The following ASXL1 variants were observed in gnomAD, a reference collection of about 807,000 sequenced individuals.
ASXL1 encodes polycomb group protein ASXL1.
ASXL1 carries 65 observed loss-of-function variants against 89.1 expected under a neutral mutation model. The observed-to-expected ratio is 0.73, with a 90% CI of 0.60 to 0.90. The LOEUF is 0.90. Among genes scored for constraint, ASXL1 ranks in the 40% least tolerant of loss-of-function variants. ASXL1 has a pLI of 0.00. For synonymous variants in ASXL1, 739 were observed against 746.9 expected, an observed-to-expected ratio of 0.99 and a Z score of 0.17; for missense variants, 1,786 against 1,942.9, an observed-to-expected ratio of 0.92 and a Z score of 1.52.
intron 4 of ASXL1, among the ~76,000 whole-genome samples, chr20:32,404,848 G>A (rs1388958052): frequency 6.6e-6 from 1 of 152,070 alleles, no homozygotes; most frequent in Non-Finnish European, 1.5e-5. Flanking sequence ...TATCATGAAT[G>A]TATTTGTTGA....
chr20:32,380,458 C>T (rs1294683291), intron 4 of ASXL1, among the ~76,000 whole-genome samples: 2 of 152,072 alleles, frequency 1.3e-5, no homozygotes, highest in African/African-American at 4.8e-5. Flanking sequence ...TAGCAATTTG[C>T]AAATGCCTTA....
Position 32,428,436 on chromosome 20 carries a change from A to T in ASXL1, c.471+14A>T. ...GCTTCCTCACAGGTAAGGAAGAGGTAGAGCCTAGCCTGGGAGGATGAATGA... is the reference window on the plus strand; with the variant it reads ...GCTTCCTCACAGGTAAGGAAGAGGTTGAGCCTAGCCTGGGAGGATGAATGA... On this transcript the variant is annotated intron_variant, in intron 6 of 12. Transcript: ENST00000375687. 6.3e-7 allele frequency: 1 copy of T among 1,595,204 alleles called. No homozygotes were observed. Among genetic ancestry groups the T allele is most frequent in the Non-Finnish European group, 8.6e-7 (1 of 1,163,240 alleles).
intron 1 of ASXL1, among the ~76,000 whole-genome samples, chr20:32,361,335 C>A (rs1244513520): frequency 2.0e-5 from 3 of 151,648 alleles, no homozygotes; most frequent in African/African-American, 4.8e-5. Context: ...TAGAGGGAGA[C>A]CCTGACTCTA....
chr20:32,383,096 A>T (rs1032043345), intron 4 of ASXL1, among the ~76,000 whole-genome samples: 11 of 152,004 alleles, frequency 7.2e-5, no homozygotes, highest in Admixed American at 3.3e-4. Context: ...TTAGAATAAA[A>T]TTTTTTCTCT....
chr20:32,370,481 A>T (rs906638827), intron 4 of ASXL1, among the ~76,000 whole-genome samples: 2 of 152,074 alleles, frequency 1.3e-5, no homozygotes, highest in African/African-American at 2.4e-5. Flanking sequence ...GCCAGATTTG[A>T]TTTGGGGCTG....
intron 1 of ASXL1, 172 bp downstream of exon 1, chr20:32,359,004 C>T: frequency 1.4e-6 from 1 of 717,916 alleles, no homozygotes. Flanking sequence ...GAGCGCTCCG[C>T]CGGGATGGGA....
At chr20:32,394,835 T>G (rs761603340) in intron 4 of ASXL1, among the ~76,000 whole-genome samples, 6 of 152,188 alleles carry the variant, frequency 3.9e-5, no homozygotes, top group Non-Finnish European at 8.8e-5. Flanking sequence ...TGCCTCAGCC[T>G]CCTGAGTAGC....
chr20:32,396,992 CA>C (rs1302236034), intron 4 of ASXL1, among the ~76,000 whole-genome samples: 21 of 104,974 alleles, frequency 2.0e-4, no homozygotes, highest in African/African-American at 3.3e-4. Context: ...TTAAACATTG[CA>C]AAAAAAAAAA....
intron 10 of ASXL1, 32 bp downstream of exon 10, chr20:32,431,711 C>T (rs557096503): frequency 1.4e-5 from 23 of 1,602,478 alleles, no homozygotes; most frequent in Admixed American, 6.7e-5. Flanking sequence ...GGACGGCTTG[C>T]GACGCACCTG....
In ASXL1 at chr20:32,436,092, A is replaced by G; in HGVS notation, c.3380A>G (p.Asp1127Gly). ...GAGAAGGTTCTTCCACCAGCCCACG[A>G]TGACAGCATGTCAGAATCCCCACAA... The part of the protein sequence containing the change: ...PLEKVLPPAH[D>G]DSMSESPQVP... The change falls in exon 13 of 13, where the codon GAT becomes GGT. Residue 1127 changes from aspartate (D) to glycine (G), a missense_variant. This residue lies in a region of ASXL1 where 1,418 missense variants were observed against 1,427.8 expected (regional missense o/e 0.99). Coordinates refer to ENST00000375687, the MANE Select transcript of ASXL1 (RefSeq NM_015338.6). 1 of 1,614,160 alleles carries G rather than the reference A, an allele frequency of 6.2e-7. No homozygotes were observed.
rs1157157693 is a variant in ASXL1, at chr20:32,362,667, C to CA, written c.58-3710dup. 5.9e-5 allele frequency among the ~76,000 whole-genome samples: 9 copies of CA among 152,098 alleles called. No individual in the cohort carries two copies. In the East Asian group the frequency reaches 1.5e-3, roughly 26 times the overall value. ...AAACAAACAAACAAAACAACAACAA[C>CA]AAAAAAACCTTTCGTAGAGGAAAGA... On this transcript the variant is annotated intron_variant, in intron 1 of 12. Transcript: ENST00000375687.
intron 4 of ASXL1, among the ~76,000 whole-genome samples, chr20:32,421,866 CTTTTTTTTTTT>C (rs71299232): frequency 9.5e-6 from 1 of 105,254 alleles, no homozygotes; most frequent in South Asian, 3.4e-4. Context: ...GGTTTCTTTT[CTTTTTTTTTTT>C]TTTTTTTTTG....
At chr20:32,361,234 C>T (rs2048105186) in intron 1 of ASXL1, among the ~76,000 whole-genome samples, 1 of 152,192 alleles carries the variant, frequency 6.6e-6, no homozygotes, top group Non-Finnish European at 1.5e-5. Flanking sequence ...GTGGTCCTAG[C>T]TACTCAGGAG....
chr20:32,359,660 A>C (rs1331541246), intron 1 of ASXL1: 1 of 717,188 alleles, frequency 1.4e-6, no homozygotes, highest in Non-Finnish European at 2.6e-6. Context: ...GGACAAAGAC[A>C]AAGTATCTCT....
chr20:32,394,587 C>T (rs144438236), intron 4 of ASXL1, among the ~76,000 whole-genome samples: 3 of 152,312 alleles, frequency 2.0e-5, no homozygotes, highest in African/African-American at 4.8e-5. Flanking sequence ...ATTACAAGAA[C>T]CTTATAGCAG....
intron 10 of ASXL1, 53 bp from the exon 11 acceptor site, chr20:32,432,827 A>G: frequency 6.2e-7 from 1 of 1,601,244 alleles, no homozygotes; most frequent in Non-Finnish European, 8.5e-7. Context: ...TGTCCATAAG[A>G]CAGACATTAA....
At chr20:32,425,197 T>C (rs1320694866) in intron 4 of ASXL1, among the ~76,000 whole-genome samples, 1 of 152,176 alleles carries the variant, frequency 6.6e-6, no homozygotes, top group Non-Finnish European at 1.5e-5. Context: ...CTATAGTTCA[T>C]TCATTTTTTG....
rs2048050778 is a variant in ASXL1, at chr20:32,358,569, G to GCCGCCGCCGCCCCTCCC, written c.-204_-188dup. Reference sequence around the variant, plus strand: ...GACTGACGCAGCGCGGGCGCGTGGAGCCGCCGCCGCCCCTCCCCCACCGCC... The same window carrying GCCGCCGCCGCCCCTCCC: ...GACTGACGCAGCGCGGGCGCGTGGAGCCGCCGCCGCCCCTCCCCCGCCGCCGCCCCTCCCCCACCGCC... On this transcript the variant is annotated 5_prime_UTR_variant, in exon 1 of 13. Transcript: ENST00000375687. 9.9e-6 allele frequency: 2 copies of GCCGCCGCCGCCCCTCCC among 201,674 alleles called. No homozygotes were observed. The highest frequency in any genetic ancestry group is 1.6e-4 in the South Asian group (1 of 6,108). The allele number at this position is 201,674 out of a possible 1,614,324, so 12.5% of individuals were successfully genotyped here.
At chr20:32,416,815 T>C (rs2049145744) in intron 4 of ASXL1, among the ~76,000 whole-genome samples, 1 of 152,226 alleles carries the variant, frequency 6.6e-6, no homozygotes. Flanking sequence ...TTTGTAATTA[T>C]GATGAGAAAA....
Sources: allele counts gnomAD v4.1 joint callset (sites outside exome capture counted in the v4.1 genomes callset), GRCh38; gene constraint gnomAD v4.1.1; regional missense constraint gnomAD v4.1.1; transcripts MANE v1.5; gene names NCBI Gene and HGNC (gene_info 2026-07-23, HGNC 2026-07-21).